Variants in TCF4 observed in about 807,000 individuals in gnomAD.
TCF4 encodes the protein transcription factor 4, also known as SL3-3 enhancer factor 2.
A neutral mutation model predicts 82.1 loss-of-function variants in TCF4; 3 were observed. The ratio of observed to expected loss-of-function variants is 0.04; its 90% CI spans 0.02 to 0.09. The LOEUF is 0.09. TCF4 is among the 10% of genes least tolerant of loss of function. The probability of loss-of-function intolerance (pLI) is 1.00; values close to 1 mark genes in which losing one functional copy is unlikely to be tolerated. For synonymous variants in TCF4, 276 were observed against 309.6 expected (o/e 0.89, Z 1.14); for missense variants, 518 against 852.7 (o/e 0.61, Z 4.89).
chr18:55,549,108 T>C (rs1244658413), intron 3 of TCF4, among the ~76,000 whole-genome samples: 2 of 152,042 alleles, frequency 1.3e-5, no homozygotes, highest in African/African-American at 2.4e-5. Flanking sequence ...TAAGACCAGC[T>C]TGAGTAACAC....
intron 14 of TCF4, among the ~76,000 whole-genome samples, chr18:55,255,947 T>G (rs1299377043): frequency 2.0e-5 from 3 of 152,224 alleles, no homozygotes; most frequent in African/African-American, 7.2e-5. Flanking sequence ...TCTAATATAG[T>G]AGTCTATGGT....
chr18:55,257,425 G>C, intron 13 of TCF4, 34 bp from the exon 14 acceptor site: 1 of 1,604,906 alleles, frequency 6.2e-7, no homozygotes, highest in Non-Finnish European at 8.5e-7. Flanking sequence ...ATCAGATCTA[G>C]ACACATGTAA....
chr18:55,437,148 C>T (rs533865964), intron 5 of TCF4, among the ~76,000 whole-genome samples: 5 of 152,268 alleles, frequency 3.3e-5, no homozygotes, highest in African/African-American at 4.8e-5. Context: ...GGGTTCTTTT[C>T]GAAATATTTA....
Position 55,615,892 on chromosome 18 carries a change from T to C in TCF4, c.286+15406A>G, listed in dbSNP as rs561480459. Among the ~76,000 whole-genome samples the C allele has an allele frequency of 1.1e-4, 16 of 152,288 alleles. No individual in the cohort carries two copies. The South Asian group carries it at 2.5e-3, about 24-fold the overall frequency. On this transcript the variant is annotated intron_variant, in intron 2 of 20. Transcript: ENST00000398339. ...TTGTCCATTTTATGTAATGTTGAAT[T>C]TGATATGCTAAAATTTTGTTTAGAA... is the stretch of plus-strand genomic sequence containing the variant.
chr18:55,538,243 C>G (rs1041198265), intron 3 of TCF4, among the ~76,000 whole-genome samples: 43 of 152,062 alleles, frequency 2.8e-4, no homozygotes, highest in Admixed American at 2.4e-3. Flanking sequence ...GTTTTTAGTC[C>G]AGCCACAATA....
At chr18:55,365,901 C>G (rs1414187376) in intron 6 of TCF4, among the ~76,000 whole-genome samples, 1 of 151,374 alleles carries the variant, frequency 6.6e-6, no homozygotes, top group African/African-American at 2.4e-5. Flanking sequence ...CCAAAAAAAG[C>G]AAAACAAAAA....
chr18:55,573,982 T>TA (rs2097502670), intron 3 of TCF4, among the ~76,000 whole-genome samples: 1 of 152,146 alleles, frequency 6.6e-6, no homozygotes, highest in Non-Finnish European at 1.5e-5. Context: ...AGTGTGGGGA[T>TA]AAAAAAGATA....
At chr18:55,622,881 C>CTGTGTGTGCGTG in intron 2 of TCF4, among the ~76,000 whole-genome samples, 1 of 149,730 alleles carries the variant, frequency 6.7e-6, no homozygotes, top group African/African-American at 2.5e-5. Flanking sequence ...TTTCTCCACT[C>CTGTGTGTGCGTG]TGTGTGTGTG....
chr18:55,410,205 G>A (rs548301097), intron 5 of TCF4, among the ~76,000 whole-genome samples: 69 of 152,152 alleles, frequency 4.5e-4, no homozygotes, highest in Middle Eastern at 3.4e-3. Context: ...TCTCTCTTCC[G>A]CTGATGTTCT....
chr18:55,366,301 A>G (rs1280169807), intron 6 of TCF4, among the ~76,000 whole-genome samples: 1 of 152,188 alleles, frequency 6.6e-6, no homozygotes, highest in Non-Finnish European at 1.5e-5. Flanking sequence ...TAATGTGAGA[A>G]TATCTACGTA....
intron 8 of TCF4, among the ~76,000 whole-genome samples, chr18:55,307,148 G>C (rs1193245388): frequency 6.7e-6 from 1 of 149,756 alleles, no homozygotes; most frequent in Non-Finnish European, 1.5e-5. Context: ...TTAGGAAGAG[G>C]GAAAAAAATT....
intron 8 of TCF4, among the ~76,000 whole-genome samples, chr18:55,282,412 T>G (rs897225413): frequency 4.6e-5 from 7 of 152,088 alleles, no homozygotes; most frequent in Non-Finnish European, 7.4e-5. Context: ...TCAGTTTATC[T>G]CTAATGGTTT....
chr18:55,403,067 G>A, intron 6 of TCF4, among the ~76,000 whole-genome samples: 1 of 152,120 alleles, frequency 6.6e-6, no homozygotes, highest in South Asian at 2.1e-4. Flanking sequence ...TAGGGCAATA[G>A]CCACCCGAAA....
At chr18:55,579,563 A>C (rs2097558087) in intron 3 of TCF4, among the ~76,000 whole-genome samples, 1 of 151,982 alleles carries the variant, frequency 6.6e-6, no homozygotes, top group South Asian at 2.1e-4. Flanking sequence ...ATAGATTCTA[A>C]AGGTTTGGCC....
chr18:55,447,525 C>T (rs2958172), intron 5 of TCF4, among the ~76,000 whole-genome samples: 140,413 of 152,132 alleles, frequency 0.92, 65,073 homozygotes, highest in East Asian at 1. Context: ...TCACCAGCTT[C>T]CCAAAAGTAC....
intron 3 of TCF4, among the ~76,000 whole-genome samples, chr18:55,515,217 C>CA (rs765020741): frequency 2.0e-5 from 3 of 152,050 alleles, no homozygotes; most frequent in Non-Finnish European, 2.9e-5. Context: ...AGAAAAAAGT[C>CA]AGAGAATCCA....
At chr18:55,261,069 CTTTT>C (rs78112276) in intron 12 of TCF4, 10 of 91,906 alleles carry the variant, frequency 1.1e-4, no homozygotes, top group African/African-American at 2.8e-4. Context: ...CAGTTATTGT[CTTTT>C]TTTTTTTTTT....
chr18:55,591,792 C>T (rs1413311197), upstream of TCF4, among the ~76,000 whole-genome samples: 1 of 152,204 alleles, frequency 6.6e-6, no homozygotes, highest in Non-Finnish European at 1.5e-5. Context: ...ACTGGAATTA[C>T]AGGTGTGAGC....
chr18:55,436,318 T>C (rs2095328714), intron 5 of TCF4, among the ~76,000 whole-genome samples: 1 of 152,210 alleles, frequency 6.6e-6, no homozygotes, highest in Non-Finnish European at 1.5e-5. Context: ...ACTTTATTCA[T>C]TAAAATAAAA....
Sources: gnomAD v4.1 joint callset for allele counts (sites outside exome capture counted in the v4.1 genomes callset) on GRCh38, gnomAD v4.1.1 for gene constraint, MANE v1.5 for transcripts, NCBI Gene and HGNC (gene_info 2026-07-23, HGNC 2026-07-21) for gene names.